KIDINS220: variants seen among roughly 807,000 people sequenced by gnomAD.
KIDINS220 encodes the protein kinase D interacting substrate 220.
In KIDINS220, 63 loss-of-function variants were observed where a neutral mutation model predicts 157.6. That is an observed-to-expected ratio of 0.40 (90% CI 0.33 to 0.49). The LOEUF (loss-of-function observed/expected upper bound fraction) is 0.49, where lower values mean the gene tolerates loss of function less well. KIDINS220 is among the 20% of genes least tolerant of loss of function. KIDINS220 has a pLI of 0.66. For missense variants in KIDINS220, 1,772 were observed against 2,171.2 expected, an observed-to-expected ratio of 0.82 and a Z score of 3.65; for synonymous variants, 732 against 783.6, an observed-to-expected ratio of 0.93 and a Z score of 1.10.
chr2:8,736,973 C>A lies in KIDINS220; in HGVS notation c.3612G>T (p.Val1204=). 6.2e-7 allele frequency: 1 copy of A among 1,614,110 alleles called. No individual in the cohort carries two copies. Among genetic ancestry groups the A allele is most frequent in the Non-Finnish European group, 8.5e-7 (1 of 1,180,000 alleles). The change falls in exon 27 of 30, where the codon GTG becomes GTT. Residue 1204 remains valine, a synonymous_variant. Transcript: ENST00000256707. ...SRGSGPAPGP[V]VLLNSLNVDA... ...CCACATTCAGTGAATTCAGTAATAC[C>A]ACTGGGCCTGGGGCTGGGCCTGACC...
In KIDINS220 at chr2:8,733,622, C is replaced by T. The variant is rs1664452266; in HGVS notation, c.3875G>A (p.Ser1292Asn). The T allele has an allele frequency of 1.9e-6, 3 of 1,610,948 alleles. No homozygotes were observed. Among genetic ancestry groups the T allele is most frequent in the Non-Finnish European group, 2.5e-6 (3 of 1,177,676 alleles). The change falls in exon 29 of 30, where the codon AGT (serine) becomes AAT (asparagine). Residue 1292 changes from serine (S) to asparagine (N), a missense_variant. Around this residue, in one of 3 missense-constraint regions of KIDINS220, gnomAD observed 793 missense variants for 885.5 expected, o/e 0.90. Coordinates refer to ENST00000256707, the MANE Select transcript of KIDINS220 (RefSeq NM_020738.4). ...HVVPEDPRFL[S>N]ESSSGPAPHG... ...CGGGGCTGGGCCACTGCTGCTCTCA[C>T]TGAGGAAACGTGGGTCTTCAGGGAC...
chr2:8,767,861 A>G (rs1669680801), intron 22 of KIDINS220, among the ~76,000 whole-genome samples: 1 of 152,214 alleles, frequency 6.6e-6, no homozygotes, highest in Non-Finnish European at 1.5e-5. Context: ...AGATGTCCAT[A>G]TTGTCTGTAC....
chr2:8,727,122 G>T, downstream of KIDINS220: 1 of 1,098,972 alleles, frequency 9.1e-7, no homozygotes, highest in South Asian at 1.7e-5. Flanking sequence ...TTAGAATTCT[G>T]AGGTAGGGAA....
rs1348811598 is a variant in KIDINS220, at chr2:8,744,381, AAAAAAAAATATATATATATAATAT to A, written c.3585+2740_3585+2763del. ...CTCATGGCAAAAAAAAAAAAAAAAAAAAAAAAAATATATATATATAATATATATATATATATATATATATATATA... is the reference window on the plus strand; with the variant it reads ...CTCATGGCAAAAAAAAAAAAAAAAAAATATATATATATATATATATATATA... On this transcript the variant is annotated intron_variant, in intron 26 of 29. Transcript: ENST00000256707. 2.4e-3 allele frequency among the ~76,000 whole-genome samples: 86 copies of A among 36,486 alleles called. 1 individual carries two copies. Among genetic ancestry groups the A allele is most frequent in the South Asian group, 0.01 (7 of 684 alleles). 23.9% of individuals were successfully genotyped at this position (36,486 alleles called of 152,430 possible). A position where few individuals can be genotyped will look rare whatever the true frequency, so the allele number is the denominator to read the frequency against.
At chr2:8,786,627 T>C (rs565338336) in intron 15 of KIDINS220, among the ~76,000 whole-genome samples, 1 of 152,292 alleles carries the variant, frequency 6.6e-6, no homozygotes, top group Non-Finnish European at 1.5e-5. Flanking sequence ...GGGGGAAAGT[T>C]ACGCCAGAAC....
intron 1 of KIDINS220, among the ~76,000 whole-genome samples, chr2:8,833,300 C>A (rs547878490): frequency 2.0e-5 from 3 of 152,190 alleles, no homozygotes; most frequent in South Asian, 4.2e-4. Context: ...AATACCTAAC[C>A]CATATGAAGC....
downstream of KIDINS220, chr2:8,722,772 T>TG (rs1020554412): frequency 6.6e-6 from 1 of 152,156 alleles, no homozygotes; most frequent in African/African-American, 2.4e-5. Context: ...GGCAGGAGGA[T>TG]GACTTAAGGC....
chr2:8,781,194 G>A (rs965409174), intron 17 of KIDINS220, among the ~76,000 whole-genome samples: 16 of 143,190 alleles, frequency 1.1e-4, no homozygotes, highest in Non-Finnish European at 2.4e-4. Context: ...AACAACAAAG[G>A]AGCTGATTCT....
chr2:8,752,900 A>G (rs1249095778), intron 22 of KIDINS220, among the ~76,000 whole-genome samples: 1 of 152,204 alleles, frequency 6.6e-6, no homozygotes, highest in Non-Finnish European at 1.5e-5. Flanking sequence ...AATGTTTTGT[A>G]TAACTGAGTT....
chr2:8,788,773 C>T lies in KIDINS220; in HGVS notation c.1661G>A (p.Trp554Ter). The T allele has an allele frequency of 6.2e-7, 1 of 1,613,940 alleles. No homozygotes were observed. The highest frequency in any genetic ancestry group is 1.1e-5 in the South Asian group (1 of 91,046). ...YFGGRREGES[W>*]NWAWVLSTRL... is the part of the protein sequence containing the mutation. ...AGTGCTGAGGACCCAGGCCCAATTCCAACTCTCTCCTTCTCTTCGTCCACC... is the reference window on the plus strand; with the variant it reads ...AGTGCTGAGGACCCAGGCCCAATTCTAACTCTCTCCTTCTCTTCGTCCACC... The change falls in exon 15 of 30, where the codon TGG (tryptophan) becomes TAG (stop). Residue 554 changes from tryptophan (W) to a stop codon, truncating the protein, a stop_gained. Transcript: ENST00000256707. LOFTEE classifies it high-confidence loss of function.
At chr2:8,737,198 G>T in intron 26 of KIDINS220, 199 bp from the exon 27 acceptor site, 1 of 495,344 alleles carries the variant, frequency 2.0e-6, no homozygotes, top group Non-Finnish European at 3.5e-6. Flanking sequence ...TTTTATTACA[G>T]CTGATACAGC....
chr2:8,732,971 G>A (rs1012037745), intron 29 of KIDINS220, among the ~76,000 whole-genome samples: 4 of 152,210 alleles, frequency 2.6e-5, no homozygotes, highest in South Asian at 4.2e-4. Context: ...GGAAGAACGC[G>A]CCTACATCTA....
At chr2:8,824,479 G>A (rs1572817475) in intron 2 of KIDINS220, among the ~76,000 whole-genome samples, 1 of 152,046 alleles carries the variant, frequency 6.6e-6, no homozygotes. Context: ...CCAGGAGTTG[G>A]AGACCAGCCT....
intron 15 of KIDINS220, among the ~76,000 whole-genome samples, chr2:8,786,920 C>T (rs1672479218): frequency 6.6e-6 from 1 of 152,128 alleles, no homozygotes. Context: ...CACAATTGAT[C>T]TTCAAAATTA....
chr2:8,791,011 A>C (rs1239517282), intron 13 of KIDINS220, 49 bp downstream of exon 13: 1 of 1,530,330 alleles, frequency 6.5e-7, no homozygotes, highest in South Asian at 1.3e-5. Flanking sequence ...AAATCCCCAG[A>C]GAAAACCTTG....
rs751404965 is a variant in KIDINS220, at chr2:8,779,145, GCA to G, written c.2371-8_2371-7del. The G allele has an allele frequency of 7.4e-6, 12 of 1,611,346 alleles. No individual in the cohort carries two copies. The East Asian group carries it at 2.5e-4, about 33-fold the overall frequency. ...TTTGAAAACAGAACTCGGACCTGTG[GCA>G]GAAGAAATGTACAGTTGTGACATAC... is the stretch of plus-strand genomic sequence containing the variant. On this transcript the variant is annotated splice_region_variant and splice_polypyrimidine_tract_variant and intron_variant, in intron 18 of 29. Coordinates refer to ENST00000256707, the MANE Select transcript of KIDINS220 (RefSeq NM_020738.4).
Position 8,731,018 on chromosome 2 carries a change from G to A in KIDINS220, c.5018C>T (p.Ala1673Val). Residue 1673 changes from alanine to valine, a missense_variant, in exon 30 of 30, where the codon GCC becomes GTC. Physicochemically the swap from Ala to Val is moderately conservative, Grantham distance 64. Around this residue, in one of 3 missense-constraint regions of KIDINS220, gnomAD observed 793 missense variants for 885.5 expected, o/e 0.90. Transcript: ENST00000256707. This position sits in a 1 kb window ranked among gnomAD's most constrained non-coding sequence, Gnocchi z 5.2. ...PEENWPACQKAYNLNRTPSTV... is the reference protein window; with the variant it reads ...PEENWPACQKVYNLNRTPSTV... Reference sequence around the variant, plus strand: ...GCTGGGAGTTCGGTTCAGGTTGTAGGCTTTCTGGCATGCAGGCCAGTTTTC... The same window carrying A: ...GCTGGGAGTTCGGTTCAGGTTGTAGACTTTCTGGCATGCAGGCCAGTTTTC... The A allele has an allele frequency of 6.2e-7, 1 of 1,614,204 alleles. No individual in the cohort carries two copies. Among genetic ancestry groups the A allele is most frequent in the Non-Finnish European group, 8.5e-7 (1 of 1,180,034 alleles).
intron 6 of KIDINS220, among the ~76,000 whole-genome samples, chr2:8,807,914 G>C (rs2148352270): frequency 6.6e-6 from 1 of 152,248 alleles, no homozygotes; most frequent in South Asian, 2.1e-4. Context: ...CTGAGGTCAG[G>C]AGTTTAAGAC....
intron 21 of KIDINS220, among the ~76,000 whole-genome samples, chr2:8,775,619 A>G (rs542277512): frequency 1.4e-4 from 22 of 152,324 alleles, no homozygotes; most frequent in Admixed American, 1.4e-3. Context: ...ATTTTACTGA[A>G]CTGAGAGCAA....
Sources: allele counts gnomAD v4.1 joint callset (sites outside exome capture counted in the v4.1 genomes callset), GRCh38; gene constraint gnomAD v4.1.1; regional missense constraint gnomAD v4.1.1; non-coding constraint Gnocchi (gnomAD v3.1); transcripts MANE v1.5; gene names NCBI Gene and HGNC (gene_info 2026-07-23, HGNC 2026-07-21).